FLNB: variants seen among roughly 807,000 people sequenced by gnomAD.
The protein encoded by FLNB is filamin B.
A neutral mutation model predicts 250.6 loss-of-function variants in FLNB; 111 were observed. That is an observed-to-expected ratio of 0.44 (90% CI 0.38 to 0.52). The LOEUF is 0.52. Among genes scored for constraint, FLNB ranks in the 20% least tolerant of loss-of-function variants. The pLI, the probability that FLNB is intolerant of heterozygous loss-of-function variation, is 0.00. For missense variants in FLNB, 2,869 were observed against 3,447.8 expected (o/e 0.83, Z 4.20); for synonymous variants, 1,302 against 1,372.1 (o/e 0.95, Z 1.13).
chr3:58,024,081 T>C (rs1424580274), intron 1 of FLNB, among the ~76,000 whole-genome samples: 1 of 152,166 alleles, frequency 6.6e-6, no homozygotes, highest in Non-Finnish European at 1.5e-5. Flanking sequence ...TATTGTTTTT[T>C]TGGAGGCACC....
chr3:58,124,671 T>G (rs188577053), intron 22 of FLNB, among the ~76,000 whole-genome samples, 166 bp downstream of exon 22: 132 of 152,362 alleles, frequency 8.7e-4, no homozygotes, highest in Admixed American at 3.4e-3. Flanking sequence ...ACCTGCCCAC[T>G]CAGTGCCTGG....
chr3:58,086,485 TG>T (rs2106994159), intron 4 of FLNB, among the ~76,000 whole-genome samples: 1 of 152,334 alleles, frequency 6.6e-6, no homozygotes, highest in African/African-American at 2.4e-5. Context: ...TGAGTTAAAC[TG>T]TGTATCTTCT....
chr3:58,123,025 G>C (rs953503976), intron 20 of FLNB, 68 bp from the exon 21 acceptor site: 14 of 1,367,142 alleles, frequency 1.0e-5, no homozygotes, highest in South Asian at 5.8e-5. Context: ...TATATGCATG[G>C]GTGTTGAAAG....
rs746351342 is a variant in FLNB at position 58,094,854 on chromosome 3, A to C, written c.806A>C (p.Asn269Thr). Residue 269 changes from asparagine (N) to threonine (T), a missense_variant, in exon 5 of 46, where the codon AAC becomes ACC. Physicochemically the swap from Asn to Thr is moderately conservative, Grantham distance 65 (BLOSUM62 0). Coordinates refer to ENST00000295956, the MANE Select transcript of FLNB (RefSeq NM_001457.4). Reference sequence around the variant, plus strand: ...GTGGCAGGAATCGAGCCCACTGGAAACATGGTGAAGCAGCCAGCCAAGTTC... The same window carrying C: ...GTGGCAGGAATCGAGCCCACTGGAACCATGGTGAAGCAGCCAGCCAAGTTC... ...AYGRGIEPTG[N>T]MVKQPAKFTV... The C allele has an allele frequency of 3.1e-6, 5 of 1,614,006 alleles. No homozygotes were observed. In the African/African-American group the frequency reaches 6.7e-5, roughly 22 times the overall value.
intron 4 of FLNB, among the ~76,000 whole-genome samples, chr3:58,082,378 A>C (rs1403218499): frequency 6.6e-6 from 1 of 152,170 alleles, no homozygotes; most frequent in Non-Finnish European, 1.5e-5. Flanking sequence ...ATGGCTGCAA[A>C]GTGTGGTTTC....
rs377054671 is a variant in FLNB at position 58,112,335 on chromosome 3, C to G, written c.2745+17C>G. On this transcript the variant is annotated intron_variant, in intron 18 of 45. Transcript: ENST00000295956. ...ACCCAACAGGTAGGGTCCTTCTCCC[C>G]TCTGCTCCCCTGGCCCCCAGCCAGG... 9.7e-5 allele frequency: 157 copies of G among 1,611,760 alleles called. No individual in the cohort carries two copies. In the African/African-American group the frequency reaches 1.6e-3, roughly 16 times the overall value.
Position 58,109,460 on chromosome 3 carries a change from G to A in FLNB, c.2200-116G>A, listed in dbSNP as rs1003083873. ...TGGGCCTTGAATGATGGAGGGGCCC[G>A]AAGGGCAGAGTGCTCCAGCCTGCTC... On this transcript the variant is annotated intron_variant, in intron 14 of 45. Coordinates refer to ENST00000295956, the MANE Select transcript of FLNB (RefSeq NM_001457.4). 1.3e-5 allele frequency: 21 copies of A among 1,597,722 alleles called. 1 individual carries two copies. The highest frequency in any genetic ancestry group is 7.8e-5 in the South Asian group (7 of 89,822).
intron 1 of FLNB, among the ~76,000 whole-genome samples, chr3:58,070,490 C>T (rs1658384): frequency 0.043 from 6,549 of 152,122 alleles, 392 homozygotes; most frequent in African/African-American, 0.14. Context: ...TACTGGTTCC[C>T]GAGCCTGTGT....
At chr3:58,125,508 G>A in intron 22 of FLNB, 73 bp from the exon 23 acceptor site, 1 of 1,533,648 alleles carries the variant, frequency 6.5e-7, no homozygotes, top group Non-Finnish European at 9.0e-7. Context: ...ATGAAACTCT[G>A]AAGTAGAGAA....
At position 58,109,707 on chromosome 3, in the gene FLNB, A is replaced by G. The variant is rs980545096; in HGVS notation, c.2323+8A>G. Reference sequence around the variant, plus strand: ...GTACTGAGGCTGGGGAAGGTGAGAAAGGGCTTTGTTCAACCCAGTGATCAT... The same window carrying G: ...GTACTGAGGCTGGGGAAGGTGAGAAGGGGCTTTGTTCAACCCAGTGATCAT... On this transcript the variant is annotated splice_region_variant and intron_variant, in intron 15 of 45. Transcript: ENST00000295956. 4 of 1,614,092 alleles carry G rather than the reference A, an allele frequency of 2.5e-6. No homozygotes were observed. The highest frequency in any genetic ancestry group is 3.3e-5 in the Admixed American group (2 of 60,024).
At chr3:58,073,505 A>G (rs1399188497) in intron 1 of FLNB, among the ~76,000 whole-genome samples, 2 of 151,768 alleles carry the variant, frequency 1.3e-5, no homozygotes, top group African/African-American at 2.4e-5. Context: ...TCATGACCAC[A>G]TGACCCGTGT....
At chr3:58,047,866 A>G (rs1461055914) in intron 1 of FLNB, among the ~76,000 whole-genome samples, 1 of 152,110 alleles carries the variant, frequency 6.6e-6, no homozygotes, top group Non-Finnish European at 1.5e-5. Context: ...GCCTGGCCAC[A>G]TGCGTGTTTT....
In FLNB at chr3:58,142,132, C is replaced by T. The variant is rs1237982946; in HGVS notation, c.5181+203C>T. On this transcript the variant is annotated intron_variant, in intron 30 of 45. Transcript: ENST00000295956. This position sits in a 1 kb window ranked among gnomAD's most constrained non-coding sequence, Gnocchi z 4.3. Reference sequence around the variant, plus strand: ...GCGTCACCATCCGTGCTCCACGAATCGCCAGCCGTCGTGTCTGTGATCACG... The same window carrying T: ...GCGTCACCATCCGTGCTCCACGAATTGCCAGCCGTCGTGTCTGTGATCACG... Among the ~76,000 whole-genome samples, 4 of 152,146 alleles carry T rather than the reference C, an allele frequency of 2.6e-5. No individual in the cohort carries two copies. The highest frequency in any genetic ancestry group is 5.9e-5 in the Non-Finnish European group (4 of 68,032).
intron 1 of FLNB, among the ~76,000 whole-genome samples, chr3:58,045,467 C>A (rs766568045): frequency 6.6e-5 from 10 of 151,714 alleles, no homozygotes; most frequent in Admixed American, 2.6e-4. Flanking sequence ...GAGATCCTTT[C>A]GCATTTGTTT....
intron 29 of FLNB, among the ~76,000 whole-genome samples, chr3:58,140,234 C>T (rs967155412): frequency 1.1e-4 from 16 of 152,178 alleles, no homozygotes; most frequent in Admixed American, 1.0e-3. Context: ...TCAAGGAGAC[C>T]CACAGGGTGG....
chr3:58,083,416 G>A lies in FLNB; in HGVS notation c.787+1640G>A, dbSNP rs1473834287. Reference sequence around the variant, plus strand: ...GAGTCTTGCTCTGTCGCCCAGGCTGGAGTGCAGTGGCACGATCTCAGCTCA... The same window carrying A: ...GAGTCTTGCTCTGTCGCCCAGGCTGAAGTGCAGTGGCACGATCTCAGCTCA... On this transcript the variant is annotated intron_variant, in intron 4 of 45. Coordinates refer to ENST00000295956, the MANE Select transcript of FLNB (RefSeq NM_001457.4). Among the ~76,000 whole-genome samples, 12 of 147,150 alleles carry A rather than the reference G, an allele frequency of 8.2e-5. No individual in the cohort carries two copies. The Admixed American group carries it at 8.2e-4, about 10-fold the overall frequency.
At chr3:58,040,368 C>T (rs1425869640) in intron 1 of FLNB, among the ~76,000 whole-genome samples, 1 of 152,204 alleles carries the variant, frequency 6.6e-6, no homozygotes, top group Non-Finnish European at 1.5e-5. Flanking sequence ...TAGCTGTTTG[C>T]ATCTTACTCT....
intron 13 of FLNB, 43 bp downstream of exon 13, chr3:58,108,614 C>T (rs557031701): frequency 8.0e-7 from 1 of 1,251,504 alleles, no homozygotes; most frequent in Admixed American, 1.7e-5. Flanking sequence ...TGTCAGGTAA[C>T]AAGATCTGAC....
At chr3:58,121,209 G>C (rs566138055) in intron 19 of FLNB, 32 bp from the exon 20 acceptor site, 5 of 1,614,100 alleles carry the variant, frequency 3.1e-6, no homozygotes, top group Middle Eastern at 1.6e-4. Flanking sequence ...AAAAGGGTCA[G>C]CTCTTCACCT....
Sources: gnomAD v4.1 joint callset for allele counts (sites outside exome capture counted in the v4.1 genomes callset) on GRCh38, gnomAD v4.1.1 for gene constraint, Gnocchi (gnomAD v3.1) non-coding constraint, MANE v1.5 for transcripts, NCBI Gene and HGNC (gene_info 2026-07-23, HGNC 2026-07-21) for gene names.